The following KIF15 variants were observed in gnomAD, a reference collection of about 807,000 sequenced individuals.
KIF15 encodes the protein kinesin-like protein KIF15.
In KIF15, 140 loss-of-function variants were observed where a neutral mutation model predicts 190.6. That is an observed-to-expected ratio of 0.73 (90% confidence interval 0.64 to 0.84). KIF15 has a LOEUF of 0.84. Ranked by LOEUF, KIF15 falls within the 40% of genes least tolerant of loss-of-function variation. The pLI is 0.00. For missense variants in KIF15, 1,372 were observed against 1,584.4 expected, an observed-to-expected ratio of 0.87 and a Z score of 2.28; for synonymous variants, 528 against 551.3, an observed-to-expected ratio of 0.96 and a Z score of 0.59.
At chr3:44,784,651 T>A (rs1304617588) in intron 5 of KIF15, among the ~76,000 whole-genome samples, 194 bp from the exon 6 acceptor site, 1 of 152,212 alleles carries the variant, frequency 6.6e-6, no homozygotes, top group Non-Finnish European at 1.5e-5. Context: ...GACAATTATT[T>A]GATATTCCTG....
intron 22 of KIF15, 168 bp from the exon 23 acceptor site, chr3:44,827,291 A>C (rs1440056109): frequency 7.1e-6 from 4 of 564,556 alleles, no homozygotes; most frequent in East Asian, 6.0e-5. Context: ...TCATTGAATA[A>C]TTTTTGAAGA....
intron 21 of KIF15, 29 bp downstream of exon 21, chr3:44,826,218 C>A: frequency 6.4e-7 from 1 of 1,560,504 alleles, no homozygotes. Flanking sequence ...ATTTGTCCCG[C>A]ATCTGTGACT....
rs745710387 is a variant in KIF15, at chr3:44,801,832, A to G, written c.1367A>G (p.Asn456Ser). ...TLKKEKFIQS[N>S]KMIVKFREDQ... ...AAAAAGGAAAAATTTATTCAATCTA[A>G]TAAAATGATTGTGAAATTCCGAGAG... The change falls in exon 13 of 35, where the codon AAT becomes AGT. Residue 456 changes from asparagine (N) to serine (S), a missense_variant. By Grantham distance (46) the Asn-to-Ser change is conservative. Transcript: ENST00000326047. The G allele has an allele frequency of 1.9e-6, 3 of 1,610,764 alleles. No individual in the cohort carries two copies. The Admixed American group carries it at 5.0e-5, about 27-fold the overall frequency.
chr3:44,797,957 G>T lies in KIF15; in HGVS notation c.1098+1G>T, dbSNP rs1294098610. ...AAGAGCCAAGCTGATTAAAAACAAG[G>T]TAAAATACTGGCGTATACTTCATTA... On this transcript the variant is annotated splice_donor_variant, in intron 10 of 34. Transcript: ENST00000326047. LOFTEE classifies it high-confidence loss of function. 6.2e-7 allele frequency: 1 copy of T among 1,609,232 alleles called. No homozygotes were observed. Among genetic ancestry groups the T allele is most frequent in the Non-Finnish European group, 8.5e-7 (1 of 1,178,506 alleles).
intron 10 of KIF15, 45 bp downstream of exon 10, chr3:44,798,001 T>C (rs1156732095): frequency 4.6e-6 from 7 of 1,531,306 alleles, no homozygotes; most frequent in Non-Finnish European, 6.2e-6. Flanking sequence ...AGAAAAATAC[T>C]AAAGCTTACA....
intron 7 of KIF15, among the ~76,000 whole-genome samples, chr3:44,788,977 G>C (rs961433207): frequency 2.0e-5 from 3 of 152,108 alleles, no homozygotes; most frequent in African/African-American, 4.8e-5. Context: ...TTTCCTCTTA[G>C]TTTTCAAGTA....
At chr3:44,827,146 A>C (rs1396428557) in intron 22 of KIF15, 1 of 416,866 alleles carries the variant, frequency 2.4e-6, no homozygotes, top group Non-Finnish European at 4.8e-6. Context: ...AACAGTGAAC[A>C]AAACATCCCT....
At chr3:44,850,351 T>G (rs1209355050) in intron 32 of KIF15, among the ~76,000 whole-genome samples, 3 of 152,186 alleles carry the variant, frequency 2.0e-5, no homozygotes, top group Admixed American at 2.0e-4. Context: ...CCCAGATTAT[T>G]TACAGGATTT....
Position 44,862,152 on chromosome 3 carries a change from G to A in KIF15, c.*59+9358G>A, listed in dbSNP as rs781477624. 7.8e-5 allele frequency: 82 copies of A among 1,053,220 alleles called. 1 individual carries two copies. The highest frequency in any genetic ancestry group is 3.8e-4 in the Middle Eastern group (1 of 2,616). The allele number at this position is 1,053,220 out of a possible 1,614,324, so 65.2% of individuals were successfully genotyped here. On this transcript the variant is annotated intron_variant and NMD_transcript_variant, in intron 6 of 6. Transcript: ENST00000422209. ...GGGCGCTGTTGGTGCTGCTGCTGCG[G>A]GCGGGCGGGCGGGGCGCCGCTGGGC... is the stretch of plus-strand genomic sequence containing the variant.
At chr3:44,766,455 G>T (rs1181835409) in intron 1 of KIF15, among the ~76,000 whole-genome samples, 1 of 152,200 alleles carries the variant, frequency 6.6e-6, no homozygotes. Context: ...CAAGATGAGG[G>T]CTGTGTGGGA....
chr3:44,821,491 G>A (rs1697312928), intron 20 of KIF15, among the ~76,000 whole-genome samples: 1 of 151,758 alleles, frequency 6.6e-6, no homozygotes, highest in African/African-American at 2.4e-5. Context: ...AGACGGGGCG[G>A]CGGGGCAGAG....
rs1181600976 is a variant in KIF15 at position 44,794,501 on chromosome 3, G to C, written c.849+75G>C. The C allele has an allele frequency of 3.6e-6, 4 of 1,112,162 alleles. No individual in the cohort carries two copies. In the South Asian group the frequency reaches 4.8e-5, roughly 13 times the overall value. The allele number at this position is 1,112,162 out of a possible 1,614,324, so 68.9% of individuals were successfully genotyped here. A position where few individuals can be genotyped will look rare whatever the true frequency, so the allele number is the denominator to read the frequency against. On this transcript the variant is annotated intron_variant, in intron 8 of 34. Coordinates refer to ENST00000326047, the MANE Select transcript of KIF15 (RefSeq NM_020242.3). ...GTCAATACAGTCGTGATGCATGACA[G>C]TGTCTCAGTCAATGAGGAACTGCAT...
At position 44,826,276 on chromosome 3, in the gene KIF15, A is replaced by G. The variant is rs1382183912; in HGVS notation, c.2700+87A>G. ...GACTGTCCTTTCCTCCTTCTTTGCT[A>G]TACTTGCCCACAGTGCCTGCCACAT... On this transcript the variant is annotated intron_variant, in intron 21 of 34. Transcript: ENST00000326047. 4.5e-6 allele frequency: 7 copies of G among 1,556,050 alleles called. No individual in the cohort carries two copies. In the East Asian group the frequency reaches 9.0e-5, roughly 20 times the overall value.
chr3:44,839,233 G>A lies in KIF15; in HGVS notation c.3318+812G>A, dbSNP rs555267176. Among the ~76,000 whole-genome samples the A allele has an allele frequency of 1.7e-4, 26 of 152,122 alleles. 1 individual carries two copies. Among genetic ancestry groups the A allele is most frequent in the Admixed American group, 1.2e-3 (18 of 15,276 alleles). On this transcript the variant is annotated intron_variant, in intron 27 of 34. Transcript: ENST00000326047. ...AAAGCACAAAAAAAATTAGCCGGGC[G>A]TGGTGGCCGGCTCCGGTAGTCCCAG...
At chr3:44,840,526 G>A in intron 28 of KIF15, 70 bp downstream of exon 28, 1 of 994,302 alleles carries the variant, frequency 1.0e-6, no homozygotes, top group Non-Finnish European at 1.5e-6. Context: ...TTGGAAATTA[G>A]GAAGAACATA....
Position 44,828,267 on chromosome 3 carries a change from C to G in KIF15, c.2910C>G (p.Ile970Met), listed in dbSNP as rs1227719266. ...GCTTGCTTGCTACTGAAAAAGTGAT[C>G]AGTTCCCTGGAAAAGTCTAGAGATT... ...EESLLATEKVISSLEKSRDSD... is the reference protein window; with the variant it reads ...EESLLATEKVMSSLEKSRDSD... The change falls in exon 24 of 35, where the codon ATC becomes ATG. Residue 970 changes from isoleucine (I) to methionine (M), a missense_variant. By Grantham distance (10) the Ile-to-Met change is conservative. Transcript: ENST00000326047. 1.2e-6 allele frequency: 2 copies of G among 1,613,386 alleles called. No homozygotes were observed. Among genetic ancestry groups the G allele is most frequent in the Non-Finnish European group, 1.7e-6 (2 of 1,179,388 alleles).
intron 27 of KIF15, among the ~76,000 whole-genome samples, chr3:44,839,098 C>T (rs549784555): frequency 5.3e-5 from 8 of 151,868 alleles, no homozygotes; most frequent in African/African-American, 1.4e-4. Context: ...GGTCCAGGTG[C>T]GGTGGCTCAC....
intron 13 of KIF15, 136 bp from the exon 14 acceptor site, chr3:44,802,678 C>T: frequency 2.6e-6 from 2 of 765,750 alleles, no homozygotes; most frequent in East Asian, 2.8e-5. Context: ...TGCCAAGTTG[C>T]TTTCCATGGT....
At chr3:44,825,369 G>C (rs887819378) in intron 20 of KIF15, among the ~76,000 whole-genome samples, 2 of 152,090 alleles carry the variant, frequency 1.3e-5, no homozygotes, top group Non-Finnish European at 2.9e-5. Context: ...TCTGCTTTGA[G>C]TTAGTACAGC....
Sources: allele counts gnomAD v4.1 joint callset (sites outside exome capture counted in the v4.1 genomes callset), GRCh38; gene constraint gnomAD v4.1.1; transcripts MANE v1.5; gene names NCBI Gene and HGNC (gene_info 2026-07-23, HGNC 2026-07-21).